The following LARP1 variants were observed in gnomAD, a reference collection of about 807,000 sequenced individuals.
LARP1 encodes La ribonucleoprotein 1, translational regulator, also known as la-related protein 1.
A neutral mutation model predicts 122.7 loss-of-function variants in LARP1; 36 were observed. That is an observed-to-expected ratio of 0.29 (90% CI 0.22 to 0.39). The LOEUF is 0.39. LARP1 is among the 10% of genes least tolerant of loss of function. The pLI is 1.00. For synonymous variants in LARP1, 539 were observed against 528.7 expected (o/e 1.02, Z -0.27); for missense variants, 1,040 against 1,403.6 (o/e 0.74, Z 4.14).
chr5:154,799,820 T>G (rs879286519), intron 9 of LARP1, 53 bp from the exon 10 acceptor site: 39 of 1,610,720 alleles, frequency 2.4e-5, no homozygotes, highest in Non-Finnish European at 3.1e-5. Context: ...TCCTCAGGGC[T>G]GGCATCAGGA....
intron 1 of LARP1, 158 bp downstream of exon 1, chr5:154,756,351 TC>T (rs1034183114): frequency 4.7e-5 from 44 of 934,030 alleles, no homozygotes; most frequent in Middle Eastern, 5.4e-4. Context: ...CGCCGCGCCC[TC>T]CCCCCCACCG....
At chr5:154,790,284 A>G (rs368305192) in intron 1 of LARP1, 41 bp from the exon 2 acceptor site, 19 of 1,575,204 alleles carry the variant, frequency 1.2e-5, no homozygotes, top group Non-Finnish European at 1.5e-5. Flanking sequence ...GCCCCCTCAC[A>G]TGGGCTTTGC....
At chr5:154,730,483 T>G (rs1468544239) in intron 1 of LARP1, among the ~76,000 whole-genome samples, 3 of 151,762 alleles carry the variant, frequency 2.0e-5, no homozygotes, top group Non-Finnish European at 2.9e-5. Context: ...ATTCTTTTTT[T>G]TTTTTCGAGA....
In LARP1 at chr5:154,793,800, G is replaced by A. The variant is rs1466663741; in HGVS notation, c.869G>A (p.Gly290Glu). Residue 290 changes from glycine to glutamate, a missense_variant and splice_region_variant, in exon 6 of 19, where the codon GGG becomes GAG. Physicochemically the swap from Gly to Glu is moderately conservative, Grantham distance 98 (BLOSUM62 -2). Transcript: ENST00000518297. ...TGACCTGGTACCCCTCTCCCCATAG[G>A]GTCTGAGTCTGCCACCTACGTGCCC... ...HIPANRGEIK[G>E]SESATYVPVA... is the part of the protein sequence containing the mutation. 1.2e-6 allele frequency: 2 copies of A among 1,614,130 alleles called. No individual in the cohort carries two copies. The highest frequency in any genetic ancestry group is 1.7e-6 in the Non-Finnish European group (2 of 1,180,012).
chr5:154,702,240 T>C (rs1754753662), intron 1 of LARP1, among the ~76,000 whole-genome samples: 1 of 152,160 alleles, frequency 6.6e-6, no homozygotes, highest in South Asian at 2.1e-4. Context: ...GCCCAGCACC[T>C]ATCACTAGAG....
chr5:154,702,208 G>T (rs1429371618), intron 1 of LARP1, among the ~76,000 whole-genome samples: 3 of 152,150 alleles, frequency 2.0e-5, no homozygotes, highest in African/African-American at 7.2e-5. Flanking sequence ...GGCCAGGTTG[G>T]CCCCAGGAGA....
chr5:154,693,324 G>C (rs1754311169), intron 1 of LARP1, among the ~76,000 whole-genome samples: 1 of 152,030 alleles, frequency 6.6e-6, no homozygotes, highest in Admixed American at 6.6e-5. Flanking sequence ...TCGTTGTAGA[G>C]ACGGATTTTG....
intron 1 of LARP1, among the ~76,000 whole-genome samples, chr5:154,757,625 C>T (rs1754081093): frequency 6.6e-6 from 1 of 152,136 alleles, no homozygotes; most frequent in African/African-American, 2.4e-5. Context: ...TTAATGTCTT[C>T]ACCGTCAAAG....
rs1485574669 is a variant in LARP1 at position 154,703,086 on chromosome 5, A to G, written c.-180+20049A>G. Among the ~76,000 whole-genome samples the G allele has an allele frequency of 2.2e-5, 3 of 135,178 alleles. No individual in the cohort carries two copies. The East Asian group carries it at 6.2e-4, about 28-fold the overall frequency. The allele number at this position is 135,178 out of a possible 152,430, so 88.7% of individuals were successfully genotyped here. ...CAGTGAGCCAAGATCGCACCACTGC[A>G]CTCTAGCCGGGGCAACAGAGTGAGA... On this transcript the variant is annotated intron_variant, in intron 1 of 18. Transcript: ENST00000687700.
chr5:154,766,191 G>C (rs1754937486), intron 1 of LARP1, among the ~76,000 whole-genome samples: 1 of 152,232 alleles, frequency 6.6e-6, no homozygotes, highest in African/African-American at 2.4e-5. Context: ...GTCCTGCCTT[G>C]TAATCTGTGC....
intron 1 of LARP1, among the ~76,000 whole-genome samples, chr5:154,740,974 ACCATC>A (rs1752846652): frequency 1.3e-5 from 2 of 152,130 alleles, no homozygotes; most frequent in Non-Finnish European, 2.9e-5. Flanking sequence ...CAGCCTGCCC[ACCATC>A]CTCTCCTCAG....
chr5:154,688,262 C>T (rs1422611883), intron 1 of LARP1, among the ~76,000 whole-genome samples: 1 of 152,030 alleles, frequency 6.6e-6, no homozygotes, highest in Non-Finnish European at 1.5e-5. Context: ...AGCACTCTAT[C>T]CCTGAATATA....
At chr5:154,809,264 A>G (rs1582485729) in intron 16 of LARP1, among the ~76,000 whole-genome samples, 1 of 151,360 alleles carries the variant, frequency 6.6e-6, no homozygotes, top group Non-Finnish European at 1.5e-5. Flanking sequence ...CAGGAGTTCG[A>G]GACCAGCCTG....
chr5:154,692,494 T>TA (rs1285822754), intron 1 of LARP1, among the ~76,000 whole-genome samples: 1 of 151,932 alleles, frequency 6.6e-6, no homozygotes, highest in Non-Finnish European at 1.5e-5. Context: ...TCCTCAAGCT[T>TA]GTCATTGTCT....
chr5:154,799,559 C>A, intron 8 of LARP1, 32 bp from the exon 9 acceptor site: 1 of 1,608,594 alleles, frequency 6.2e-7, no homozygotes, highest in Non-Finnish European at 8.5e-7. Flanking sequence ...AGATTTTCTT[C>A]TTAATCCCCT....
chr5:154,746,565 C>A (rs1195490161), intron 1 of LARP1, among the ~76,000 whole-genome samples: 1 of 152,202 alleles, frequency 6.6e-6, no homozygotes, highest in African/African-American at 2.4e-5. Context: ...GGGTTCTGAT[C>A]TTGATTCTGC....
rs921429442 is a variant in LARP1 at position 154,816,797 on chromosome 5, A to G, written c.*2701A>G. 1 of 152,250 alleles carries G rather than the reference A, an allele frequency of 6.6e-6. No homozygotes were observed. Among genetic ancestry groups the G allele is most frequent in the Non-Finnish European group, 1.5e-5 (1 of 68,074 alleles). The allele number at this position is 152,250 out of a possible 1,614,324, so 9.4% of individuals were successfully genotyped here. ...TCCCTTCCAAGGTTGGTCCATGCCA[A>G]CATAACCTCTGGGCATCAGACATCA... On this transcript the variant is annotated 3_prime_UTR_variant, in exon 19 of 19. Coordinates refer to ENST00000518297, the MANE Select transcript of LARP1 (RefSeq NM_033551.3).
At chr5:154,813,617 A>G (rs1178066426) in intron 18 of LARP1, among the ~76,000 whole-genome samples, 1 of 152,140 alleles carries the variant, frequency 6.6e-6, no homozygotes, top group East Asian at 1.9e-4. Context: ...TGGGGAAGTT[A>G]CTTTTTTGTG....
rs1012124649 is a variant in LARP1 at position 154,790,495 on chromosome 5, T to A, written c.498+109T>A. On this transcript the variant is annotated intron_variant, in intron 2 of 18. Transcript: ENST00000518297. Reference sequence around the variant, plus strand: ...CAACTAGTTCTGGATTGTCTGTGAATTGCAGGGGAGCCCCTTCTAGGTATC... The same window carrying A: ...CAACTAGTTCTGGATTGTCTGTGAAATGCAGGGGAGCCCCTTCTAGGTATC... 9.2e-6 allele frequency: 12 copies of A among 1,299,638 alleles called. No individual in the cohort carries two copies. In the African/African-American group the frequency reaches 1.7e-4, roughly 19 times the overall value. 80.5% of individuals were successfully genotyped at this position (1,299,638 alleles called of 1,614,324 possible).
Sources: gnomAD v4.1 joint callset for allele counts (sites outside exome capture counted in the v4.1 genomes callset) on GRCh38, gnomAD v4.1.1 for gene constraint, MANE v1.5 for transcripts, NCBI Gene and HGNC (gene_info 2026-07-23, HGNC 2026-07-21) for gene names.